Variants in ROBO2 observed in about 807,000 individuals in gnomAD.
ROBO2 encodes roundabout guidance receptor 2, also known as roundabout homolog 2.
A neutral mutation model predicts 160.8 loss-of-function variants in ROBO2; 53 were observed. The ratio of observed to expected loss-of-function variants is 0.33; its 90% CI spans 0.26 to 0.41. The LOEUF is 0.41. ROBO2 is among the 10% of genes least tolerant of loss of function. The probability of loss-of-function intolerance (pLI) is 1.00; values close to 1 mark genes in which losing one functional copy is unlikely to be tolerated. For missense variants in ROBO2, 1,577 were observed against 1,722.4 expected (o/e 0.92, Z 1.49); for synonymous variants, 664 against 611.7 (o/e 1.09, Z -1.26).
At chr3:76,172,436 T>TAAAAAAAAAAAAA (rs59265395) in intron 2 of ROBO2, among the ~76,000 whole-genome samples, 4 of 124,754 alleles carry the variant, frequency 3.2e-5, no homozygotes, top group Non-Finnish European at 5.1e-5. Context: ...GTATAATAAT[T>TAAAAAAAAAAAAA]AAAAAAAAAA....
intron 2 of ROBO2, among the ~76,000 whole-genome samples, chr3:76,982,967 C>G (rs1303588813): frequency 6.6e-6 from 1 of 152,098 alleles, no homozygotes; most frequent in African/African-American, 2.4e-5. Context: ...CTTAGCATAG[C>G]TATTTATTCC....
intron 2 of ROBO2, among the ~76,000 whole-genome samples, chr3:76,944,222 A>T (rs1047215758): frequency 6.6e-6 from 1 of 152,172 alleles, no homozygotes; most frequent in East Asian, 1.9e-4. Flanking sequence ...TATTTTGTAT[A>T]CATACTACAA....
intron 2 of ROBO2, among the ~76,000 whole-genome samples, chr3:77,023,328 G>GT (rs201189008): frequency 1.4e-3 from 213 of 151,942 alleles, no homozygotes; most frequent in African/African-American, 4.8e-3. Context: ...TCAATTAAAC[G>GT]TTTTTTTTCT....
intron 2 of ROBO2, among the ~76,000 whole-genome samples, chr3:76,577,226 T>A (rs1560178159): frequency 6.6e-6 from 1 of 152,106 alleles, no homozygotes; most frequent in Non-Finnish European, 1.5e-5. Flanking sequence ...ACTACATATC[T>A]CATTTTTTAG....
intron 2 of ROBO2, among the ~76,000 whole-genome samples, chr3:75,987,950 G>T (rs575773343): frequency 6.6e-6 from 1 of 151,568 alleles, no homozygotes; most frequent in Non-Finnish European, 1.5e-5. Flanking sequence ...GGATTTTTGC[G>T]TTGATATTCA....
intron 2 of ROBO2, among the ~76,000 whole-genome samples, chr3:77,412,530 C>T (rs988450533): frequency 1.3e-5 from 2 of 152,300 alleles, no homozygotes; most frequent in Admixed American, 6.5e-5. Context: ...GTCATGAATT[C>T]GCTTCATCTG....
intron 2 of ROBO2, among the ~76,000 whole-genome samples, chr3:76,944,393 A>T (rs569239571): frequency 8.8e-4 from 134 of 152,354 alleles, no homozygotes; most frequent in African/African-American, 3.1e-3. Flanking sequence ...CACACTACCC[A>T]GAATAAATAA....
chr3:77,410,647 T>TCTCCTCCTCTTCTTC (rs2076680264), intron 2 of ROBO2, among the ~76,000 whole-genome samples: 1 of 19,174 alleles, frequency 5.2e-5, no homozygotes. Context: ...TGCTCCTCTT[T>TCTCCTCCTCTTCTTC]CTCCTCCTCT....
intron 2 of ROBO2, among the ~76,000 whole-genome samples, chr3:76,214,132 T>C (rs1299395077): frequency 1.3e-5 from 2 of 152,104 alleles, no homozygotes; most frequent in Non-Finnish European, 2.9e-5. Flanking sequence ...TTGGCACCCA[T>C]ACGCATCTCC....
At chr3:77,588,907 A>G (rs746360677) in exon 17 of ROBO2, 11 of 1,613,428 alleles carry the variant, frequency 6.8e-6, no homozygotes, top group Non-Finnish European at 9.3e-6. Flanking sequence ...CGAAGAAAGA[A>G]GAGGAAGGGA....
intron 2 of ROBO2, among the ~76,000 whole-genome samples, chr3:77,153,397 T>G (rs1185999119): frequency 1.3e-5 from 2 of 152,246 alleles, no homozygotes; most frequent in South Asian, 2.1e-4. Flanking sequence ...GCAAACACTT[T>G]TCCTTTACCA....
rs1361938486 is a variant in ROBO2 at position 76,224,388 on chromosome 3, G to C, written c.109+286786G>C. On this transcript the variant is annotated intron_variant, in intron 2 of 26. Coordinates refer to the ROBO2 transcript ENST00000487694. ...GAGGCGTTGGTGTCTAAGTCTCCAAGAACTGGTAACTTCAAGGGTAGGAGG... is the reference window on the plus strand; with the variant it reads ...GAGGCGTTGGTGTCTAAGTCTCCAACAACTGGTAACTTCAAGGGTAGGAGG... Among the ~76,000 whole-genome samples, 5 of 152,166 alleles carry C rather than the reference G, an allele frequency of 3.3e-5. No individual in the cohort carries two copies. The South Asian group carries it at 1.0e-3, about 32-fold the overall frequency.
intron 2 of ROBO2, among the ~76,000 whole-genome samples, chr3:76,571,846 C>A (rs554342695): frequency 4.9e-4 from 74 of 152,048 alleles, no homozygotes; most frequent in Middle Eastern, 3.4e-3. Flanking sequence ...TTAAAATGTA[C>A]TGAAATGAAA....
intron 2 of ROBO2, among the ~76,000 whole-genome samples, chr3:76,679,411 A>G (rs1437610085): frequency 6.6e-6 from 1 of 152,076 alleles, no homozygotes; most frequent in Non-Finnish European, 1.5e-5. Flanking sequence ...TCTGAGTTAC[A>G]CTGAACTTTT....
At chr3:76,963,624 A>T (rs1351731347) in intron 2 of ROBO2, among the ~76,000 whole-genome samples, 1 of 152,102 alleles carries the variant, frequency 6.6e-6, no homozygotes, top group Non-Finnish European at 1.5e-5. Context: ...ACAGACAGTA[A>T]AGCAGTGATT....
chr3:76,429,189 C>A (rs1265649365), intron 2 of ROBO2, among the ~76,000 whole-genome samples: 1 of 151,916 alleles, frequency 6.6e-6, no homozygotes, highest in Non-Finnish European at 1.5e-5. Flanking sequence ...CACACACACA[C>A]ACACCCACTC....
intron 2 of ROBO2, among the ~76,000 whole-genome samples, chr3:77,014,496 G>A (rs886919783): frequency 6.6e-6 from 1 of 152,138 alleles, no homozygotes; most frequent in Non-Finnish European, 1.5e-5. Flanking sequence ...GCCATGTCAC[G>A]CCGATCCCAG....
intron 2 of ROBO2, among the ~76,000 whole-genome samples, chr3:77,454,191 T>A (rs1427218347): frequency 6.6e-6 from 1 of 151,972 alleles, no homozygotes; most frequent in East Asian, 1.9e-4. Context: ...TCTTTTTAAA[T>A]CTTGTCTGGG....
intron 2 of ROBO2, among the ~76,000 whole-genome samples, chr3:77,295,900 G>A (rs1036072475): frequency 6.9e-6 from 1 of 145,942 alleles, no homozygotes; most frequent in African/African-American, 2.5e-5. Flanking sequence ...GGTTAAACGG[G>A]TAAGCTGAGG....
Sources: gnomAD v4.1 joint callset for allele counts (sites outside exome capture counted in the v4.1 genomes callset) on GRCh38, gnomAD v4.1.1 for gene constraint, MANE v1.5 for transcripts, NCBI Gene and HGNC (gene_info 2026-07-23, HGNC 2026-07-21) for gene names.